SNX14: variants seen among roughly 807,000 people sequenced by gnomAD.
SNX14 encodes sorting nexin 14, also known as sorting nexin-14.
Under a neutral mutation model 133.8 loss-of-function variants are expected in SNX14, and 93 were observed. The observed-to-expected ratio is 0.70, with a 90% CI of 0.59 to 0.83. The LOEUF (loss-of-function observed/expected upper bound fraction) is 0.83, where lower values mean the gene tolerates loss of function less well. Ranked by LOEUF, SNX14 falls within the 40% of genes least tolerant of loss-of-function variation. The pLI, the probability that SNX14 is intolerant of heterozygous loss-of-function variation, is 0.00. For synonymous variants in SNX14, 368 were observed against 365.6 expected (o/e 1.01, Z -0.07); for missense variants, 945 against 1,094.9 (o/e 0.86, Z 1.93).
Position 85,517,816 on chromosome 6 carries a change from CT to C in SNX14, c.2207del (p.Lys736SerfsTer9). On this transcript the variant is annotated frameshift_variant, in exon 23 of 29. Transcript: ENST00000314673. LOFTEE classifies it high-confidence loss of function. ...TCAGTTCTGGTCTACTTGGTTTAGG[CT>C]TTGGAGACTCACAAGAATTAATGAA... is the stretch of plus-strand genomic sequence containing the variant. Reference protein sequence around the residue: ...MNFINSCESPKPKPSRPELTI... With the variant: ...MNFINSCESPXPKPSRPELTI... 1 of 1,611,434 alleles carries C rather than the reference CT, an allele frequency of 6.2e-7. No homozygotes were observed. The highest frequency in any genetic ancestry group is 8.5e-7 in the Non-Finnish European group (1 of 1,179,206).
intron 21 of SNX14, among the ~76,000 whole-genome samples, chr6:85,522,585 G>A (rs769209460): frequency 6.6e-6 from 1 of 152,122 alleles, no homozygotes; most frequent in Non-Finnish European, 1.5e-5. Context: ...TAATGGTCAT[G>A]CATACACATA....
At chr6:85,591,322 A>G (rs796711270) in intron 1 of SNX14, among the ~76,000 whole-genome samples, 144 of 152,188 alleles carry the variant, frequency 9.5e-4, no homozygotes, top group African/African-American at 3.4e-3. Context: ...GGCACCTTCC[A>G]AAAGATTTTT....
chr6:85,518,429 T>C (rs1419998739), intron 21 of SNX14, among the ~76,000 whole-genome samples: 1 of 152,190 alleles, frequency 6.6e-6, no homozygotes, highest in African/African-American at 2.4e-5. Context: ...TATCTAAAGA[T>C]ATGCAAAGGT....
rs6454472 is a variant in SNX14 at position 85,514,335 on chromosome 6, T to G, written c.2393-101A>C. 788,458 of 1,483,612 alleles carry G rather than the reference T, an allele frequency of 0.53. 212,653 individuals are homozygous for G. Among genetic ancestry groups the G allele is most frequent in the Admixed American group, 0.63 (28,344 of 44,698 alleles). 91.9% of individuals were successfully genotyped at this position (1,483,612 alleles called of 1,614,324 possible). A position where few individuals can be genotyped will look rare whatever the true frequency, so the allele number is the denominator to read the frequency against. On this transcript the variant is annotated intron_variant, in intron 24 of 28. Transcript: ENST00000314673. ...ACAAATGACCATGGTCAATATTTTATTTGTAAACACTAGCAACTTTAATAT... is the reference window on the plus strand; with the variant it reads ...ACAAATGACCATGGTCAATATTTTAGTTGTAAACACTAGCAACTTTAATAT...
intron 21 of SNX14, among the ~76,000 whole-genome samples, chr6:85,525,566 A>G (rs963114632): frequency 2.0e-5 from 3 of 152,178 alleles, no homozygotes; most frequent in Non-Finnish European, 4.4e-5. Flanking sequence ...TGACAGATTA[A>G]TTCAAGTTAA....
intron 1 of SNX14, chr6:85,581,191 T>G (rs1435030940): frequency 1.3e-5 from 2 of 152,238 alleles, no homozygotes; most frequent in African/African-American, 4.8e-5. Flanking sequence ...AACAGGAGAC[T>G]CTACCTGGTA....
At chr6:85,536,161 G>C (rs940850177) in intron 17 of SNX14, among the ~76,000 whole-genome samples, 1 of 152,172 alleles carries the variant, frequency 6.6e-6, no homozygotes, top group East Asian at 1.9e-4. Flanking sequence ...GGTTTATGGG[G>C]AACAGTTGCA....
chr6:85,544,849 A>G (rs1784971000), intron 12 of SNX14, among the ~76,000 whole-genome samples: 2 of 152,238 alleles, frequency 1.3e-5, no homozygotes, highest in Non-Finnish European at 2.9e-5. Context: ...GAAAGAAACA[A>G]TATTAGAAAC....
intron 18 of SNX14, among the ~76,000 whole-genome samples, chr6:85,532,938 G>C (rs1168558014): frequency 6.6e-6 from 1 of 152,060 alleles, no homozygotes; most frequent in Non-Finnish European, 1.5e-5. Flanking sequence ...CCAGGCTGGA[G>C]TGCAGTCACA....
At chr6:85,551,924 T>C (rs567981293) in intron 7 of SNX14, among the ~76,000 whole-genome samples, 17 of 152,350 alleles carry the variant, frequency 1.1e-4, no homozygotes, top group African/African-American at 3.4e-4. Context: ...ATTAATAGTA[T>C]TGTCTCCTTT....
chr6:85,543,682 A>G lies in SNX14; in HGVS notation c.1187T>C (p.Ile396Thr), dbSNP rs1784542189. ...MLSLHEELQK[I>T]YKTYCLDESI... ...TTCATCCAAACAGTATGTTTTATAA[A>G]TCTTCTGCAATTCTTCATGAAGAGA... Residue 396 changes from isoleucine to threonine, a missense_variant, in exon 13 of 29, where the codon ATT becomes ACT. Physicochemically the swap from Ile to Thr is moderately conservative, Grantham distance 89. Coordinates refer to ENST00000314673, the MANE Select transcript of SNX14 (RefSeq NM_153816.6). The G allele has an allele frequency of 1.3e-6, 2 of 1,588,332 alleles. No homozygotes were observed. Among genetic ancestry groups the G allele is most frequent in the African/African-American group, 2.7e-5 (2 of 74,246 alleles).
chr6:85,546,992 G>T, intron 12 of SNX14, 120 bp downstream of exon 12: 5 of 511,102 alleles, frequency 9.8e-6, no homozygotes, highest in Non-Finnish European at 1.7e-5. Flanking sequence ...AAAGGAAATC[G>T]AGTATATGAA....
At chr6:85,584,870 A>G (rs1331922694) in intron 1 of SNX14, among the ~76,000 whole-genome samples, 1 of 152,166 alleles carries the variant, frequency 6.6e-6, no homozygotes, top group Non-Finnish European at 1.5e-5. Context: ...AACCAGAAAT[A>G]CCATTTGACC....
rs114449650 is a variant in SNX14 at position 85,508,620 on chromosome 6, T to C, written c.2654-561A>G. 7.8e-3 allele frequency among the ~76,000 whole-genome samples: 1,192 copies of C among 152,198 alleles called. 19 individuals carry two copies. Among genetic ancestry groups the C allele is most frequent in the African/African-American group, 0.028 (1,157 of 41,546 alleles). On this transcript the variant is annotated intron_variant, in intron 26 of 28. Coordinates refer to ENST00000314673, the MANE Select transcript of SNX14 (RefSeq NM_153816.6). ...TTCTCAGTGAATAAGAACACCTAAT[T>C]TCTGGACTTTTGCATAAGTTACTAT...
intron 7 of SNX14, among the ~76,000 whole-genome samples, chr6:85,555,416 A>C (rs1393051496): frequency 6.6e-6 from 1 of 152,240 alleles, no homozygotes; most frequent in Non-Finnish European, 1.5e-5. Context: ...GAAATGGGTT[A>C]TCAAGCTATG....
At position 85,547,294 on chromosome 6, in the gene SNX14, G is replaced by T. The variant is rs571469370; in HGVS notation, c.993+23C>A. On this transcript the variant is annotated intron_variant, in intron 11 of 28. Coordinates refer to ENST00000314673, the MANE Select transcript of SNX14 (RefSeq NM_153816.6). ...TTCTAAAATTGTTTATATCAAAAAG[G>T]TGTTATTGCTGAAAATTCTTACAGA... The T allele has an allele frequency of 3.1e-6, 5 of 1,611,736 alleles. No individual in the cohort carries two copies. The East Asian group carries it at 6.7e-5, about 22-fold the overall frequency.
intron 21 of SNX14, among the ~76,000 whole-genome samples, chr6:85,520,015 CAGTAGTAGTAGTAGT>C (rs548244244): frequency 6.6e-6 from 1 of 150,610 alleles, no homozygotes; most frequent in Non-Finnish European, 1.5e-5. Flanking sequence ...TGCTTTTATA[CAGTAGTAGTAGTAGT>C]AGTAGTAGTA....
intron 7 of SNX14, among the ~76,000 whole-genome samples, chr6:85,550,268 T>C (rs1787264352): frequency 6.6e-6 from 1 of 152,214 alleles, no homozygotes; most frequent in Non-Finnish European, 1.5e-5. Flanking sequence ...GTGCATTCTT[T>C]ATTAGAAGCC....
At chr6:85,571,765 TA>T (rs1472884178) in intron 4 of SNX14, among the ~76,000 whole-genome samples, 1 of 152,232 alleles carries the variant, frequency 6.6e-6, no homozygotes, top group Non-Finnish European at 1.5e-5. Context: ...ACCCTTCAGT[TA>T]GTGTCAAAAC....
Sources: allele counts gnomAD v4.1 joint callset (sites outside exome capture counted in the v4.1 genomes callset), GRCh38; gene constraint gnomAD v4.1.1; transcripts MANE v1.5; gene names NCBI Gene and HGNC (gene_info 2026-07-23, HGNC 2026-07-21).